Variants in KIAA0825 observed in about 807,000 individuals in gnomAD.
The protein encoded by KIAA0825 is KIAA0825, also known as uncharacterized protein KIAA0825.
Under a neutral mutation model 147.6 loss-of-function variants are expected in KIAA0825, and 119 were observed. The observed-to-expected ratio is 0.81, with a 90% CI of 0.69 to 0.94. The LOEUF (loss-of-function observed/expected upper bound fraction) is 0.94, where lower values mean the gene tolerates loss of function less well. Among genes scored for constraint, KIAA0825 ranks in the 40% least tolerant of loss-of-function variants. The probability of loss-of-function intolerance (pLI) is 0.00; values close to 1 mark genes in which losing one functional copy is unlikely to be tolerated. For synonymous variants in KIAA0825, 470 were observed against 518.1 expected (o/e 0.91, Z 1.26); for missense variants, 1,381 against 1,472.7 (o/e 0.94, Z 1.02).
chr5:94,407,672 T>G (rs1448120861), intron 15 of KIAA0825, among the ~76,000 whole-genome samples: 6 of 152,178 alleles, frequency 3.9e-5, no homozygotes, highest in Non-Finnish European at 5.9e-5. Flanking sequence ...GATTAGTGGT[T>G]GTCAGGAACT....
chr5:94,470,857 A>G (rs1761131236), intron 9 of KIAA0825, among the ~76,000 whole-genome samples: 1 of 152,236 alleles, frequency 6.6e-6, no homozygotes, highest in Non-Finnish European at 1.5e-5. Flanking sequence ...GCAAGAAGCC[A>G]TGTTATATCT....
At chr5:94,434,511 G>A (rs569894092) in intron 14 of KIAA0825, among the ~76,000 whole-genome samples, 8 of 152,268 alleles carry the variant, frequency 5.3e-5, no homozygotes, top group African/African-American at 1.9e-4. Context: ...TCACTTTCAC[G>A]ATGCAATAAA....
intron 2 of KIAA0825, among the ~76,000 whole-genome samples, chr5:94,539,099 A>G (rs1772727492): frequency 6.6e-6 from 1 of 152,200 alleles, no homozygotes; most frequent in African/African-American, 2.4e-5. Context: ...TGCAATAAAG[A>G]AGTCAGCCAA....
intron 20 of KIAA0825, among the ~76,000 whole-genome samples, chr5:94,222,339 GAGAAA>G (rs1319333480): frequency 6.6e-6 from 1 of 152,140 alleles, no homozygotes; most frequent in Non-Finnish European, 1.5e-5. Flanking sequence ...TTCAGGTAAG[GAGAAA>G]AGAAAAGAAG....
chr5:94,319,414 A>T (rs146135434), intron 20 of KIAA0825, among the ~76,000 whole-genome samples: 1 of 151,856 alleles, frequency 6.6e-6, no homozygotes, highest in East Asian at 2.0e-4. Context: ...TTCCAACCTC[A>T]ATCTCTCCTG....
chr5:94,289,535 G>GA (rs540467740), intron 20 of KIAA0825, among the ~76,000 whole-genome samples: 22,582 of 100,482 alleles, frequency 0.22, 2,231 homozygotes, highest in Middle Eastern at 0.28. Flanking sequence ...ACTCCATCTG[G>GA]AAAAAAAAAA....
At chr5:94,358,255 A>G (rs1173373786) in intron 20 of KIAA0825, among the ~76,000 whole-genome samples, 1 of 152,228 alleles carries the variant, frequency 6.6e-6, no homozygotes, top group Non-Finnish European at 1.5e-5. Flanking sequence ...CTTTTAAAAC[A>G]TAAGCACGAA....
chr5:94,278,774 T>C (rs958625267), intron 20 of KIAA0825, among the ~76,000 whole-genome samples: 5 of 152,104 alleles, frequency 3.3e-5, no homozygotes, highest in Admixed American at 6.6e-5. Flanking sequence ...TTTTCAGATA[T>C]GGGAAGTTCT....
chr5:94,411,192 G>A (rs1030920669), intron 15 of KIAA0825, among the ~76,000 whole-genome samples: 6 of 151,882 alleles, frequency 4.0e-5, no homozygotes, highest in Non-Finnish European at 7.4e-5. Context: ...AAACCCTGGA[G>A]CAACTACTAC....
chr5:94,361,571 G>A (rs1311676315), intron 20 of KIAA0825, among the ~76,000 whole-genome samples: 1 of 152,152 alleles, frequency 6.6e-6, no homozygotes, highest in African/African-American at 2.4e-5. Flanking sequence ...AATTACGGAT[G>A]CTTTTACTTT....
At position 94,152,341 on chromosome 5, in the gene KIAA0825, G is replaced by A. The variant is rs1222815166; in HGVS notation, c.*1666C>T. Among the ~76,000 whole-genome samples, 1 of 152,072 alleles carries A rather than the reference G, an allele frequency of 6.6e-6. No individual in the cohort carries two copies. Among genetic ancestry groups the A allele is most frequent in the African/African-American group, 2.4e-5 (1 of 41,410 alleles). ...TATGGACAATTTATTATATATCTGAGAACATCAGAAAACATGAAGTTTGAT... is the reference window on the plus strand; with the variant it reads ...TATGGACAATTTATTATATATCTGAAAACATCAGAAAACATGAAGTTTGAT... On this transcript the variant is annotated 3_prime_UTR_variant, in exon 21 of 21. Coordinates refer to ENST00000682413, the MANE Select transcript of KIAA0825 (RefSeq NM_001145678.3).
At chr5:94,504,805 T>C (rs997086723) in intron 5 of KIAA0825, among the ~76,000 whole-genome samples, 1 of 149,428 alleles carries the variant, frequency 6.7e-6, no homozygotes, top group African/African-American at 2.5e-5. Flanking sequence ...TAGAGCGCAG[T>C]GGCGTAATCT....
intron 20 of KIAA0825, among the ~76,000 whole-genome samples, chr5:94,311,952 T>C (rs575717207): frequency 4.0e-5 from 6 of 151,792 alleles, no homozygotes; most frequent in Non-Finnish European, 8.9e-5. Context: ...GATCTAATTA[T>C]ATGGGTGCCC....
At chr5:94,594,822 A>C in intron 1 of KIAA0825, 1 of 452,414 alleles carries the variant, frequency 2.2e-6, no homozygotes, top group Non-Finnish European at 4.3e-6. Context: ...GAGTGTTATC[A>C]TGTGTCACAT....
intron 16 of KIAA0825, among the ~76,000 whole-genome samples, chr5:94,402,983 A>G (rs1396017027): frequency 6.6e-6 from 1 of 152,058 alleles, no homozygotes; most frequent in African/African-American, 2.4e-5. Context: ...TAGGTAACTG[A>G]TAGTTCTTAA....
At chr5:94,523,768 G>T (rs1360744895) in intron 4 of KIAA0825, among the ~76,000 whole-genome samples, 162 bp downstream of exon 4, 2 of 151,284 alleles carry the variant, frequency 1.3e-5, no homozygotes, top group African/African-American at 4.8e-5. Context: ...AAAACAAATA[G>T]CTCAGTGGAT....
At chr5:94,214,263 G>A (rs1341241155) in intron 20 of KIAA0825, among the ~76,000 whole-genome samples, 1 of 152,072 alleles carries the variant, frequency 6.6e-6, no homozygotes, top group Non-Finnish European at 1.5e-5. Context: ...GCATGGAAAA[G>A]AGGATCTCTA....
chr5:94,319,442 T>C (rs961234129), intron 20 of KIAA0825, among the ~76,000 whole-genome samples: 3 of 151,924 alleles, frequency 2.0e-5, no homozygotes, highest in Admixed American at 2.0e-4. Flanking sequence ...TATTACTATG[T>C]CCATCTCCTA....
intron 20 of KIAA0825, among the ~76,000 whole-genome samples, chr5:94,312,826 T>C (rs929493767): frequency 1.3e-5 from 2 of 151,690 alleles, no homozygotes; most frequent in African/African-American, 4.8e-5. Flanking sequence ...GTCAAATTAT[T>C]CTCACAAACT....
Sources: allele counts gnomAD v4.1 joint callset (sites outside exome capture counted in the v4.1 genomes callset), GRCh38; gene constraint gnomAD v4.1.1; transcripts MANE v1.5; gene names NCBI Gene and HGNC (gene_info 2026-07-23, HGNC 2026-07-21).